SPDYA: variants seen among roughly 807,000 people sequenced by gnomAD.
SPDYA encodes speedy/RINGO cell cycle regulator family member A, also known as speedy protein A.
SPDYA carries 11 observed loss-of-function variants against 36.7 expected under a neutral mutation model. The ratio of observed to expected loss-of-function variants is 0.30; its 90% CI spans 0.19 to 0.50. The LOEUF (loss-of-function observed/expected upper bound fraction) is 0.50. Among genes scored for constraint, SPDYA ranks in the 20% least tolerant of loss-of-function variants. The pLI is 0.98. For synonymous variants in SPDYA, 115 were observed against 118.7 expected (o/e 0.97, Z 0.20); for missense variants, 287 against 370.9 (o/e 0.77, Z 1.86).
chr2:28,830,200 CTTTTTTTTTTT>C (rs573724918), intron 6 of SPDYA, among the ~76,000 whole-genome samples: 5,281 of 108,834 alleles, frequency 0.049, 385 homozygotes, highest in African/African-American at 0.17. Flanking sequence ...ATAGTAAGTA[CTTTTTTTTTTT>C]TTTTTTTTTT....
At chr2:28,825,970 C>T (rs888184763) in intron 5 of SPDYA, among the ~76,000 whole-genome samples, 1 of 151,912 alleles carries the variant, frequency 6.6e-6, no homozygotes, top group African/African-American at 2.4e-5. Flanking sequence ...GTCTCAAACT[C>T]CTGACTTCAA....
intron 4 of SPDYA, among the ~76,000 whole-genome samples, chr2:28,822,059 A>G (rs533719314): frequency 6.6e-6 from 1 of 152,302 alleles, no homozygotes; most frequent in South Asian, 2.1e-4. Flanking sequence ...ATTAGATAAA[A>G]GTGGGATTTT....
At chr2:28,848,809 C>G (rs1425361424) in intron 7 of SPDYA, among the ~76,000 whole-genome samples, 2 of 152,048 alleles carry the variant, frequency 1.3e-5, no homozygotes, top group African/African-American at 4.8e-5. Context: ...TTTGGGAGGT[C>G]AAGGCAGAAG....
chr2:28,822,755 G>A (rs1398243616), intron 5 of SPDYA, among the ~76,000 whole-genome samples: 2 of 151,992 alleles, frequency 1.3e-5, no homozygotes, highest in South Asian at 2.1e-4. Flanking sequence ...TTACAGCCAC[G>A]TGCCACCACG....
At chr2:28,819,849 A>AAAAAAT (rs1668105027) in intron 4 of SPDYA, among the ~76,000 whole-genome samples, 1 of 17,808 alleles carries the variant, frequency 5.6e-5, no homozygotes, top group Non-Finnish European at 8.7e-5. Flanking sequence ...AAAAAAAAAA[A>AAAAAAT]ATATATATAT....
intron 6 of SPDYA, among the ~76,000 whole-genome samples, chr2:28,838,376 T>C (rs1007277290): frequency 1.3e-5 from 2 of 151,924 alleles, no homozygotes; most frequent in South Asian, 2.1e-4. Flanking sequence ...AGATGGGGTT[T>C]CACCATGTTG....
At chr2:28,829,370 T>A in intron 6 of SPDYA, 51 bp downstream of exon 6, 1 of 1,545,658 alleles carries the variant, frequency 6.5e-7, no homozygotes, top group Non-Finnish European at 8.7e-7. Flanking sequence ...TCTGTTTATC[T>A]TATTATCCTT....
intron 7 of SPDYA, among the ~76,000 whole-genome samples, chr2:28,846,221 A>G (rs1198214434): frequency 2.0e-5 from 3 of 152,124 alleles, no homozygotes; most frequent in African/African-American, 7.2e-5. Flanking sequence ...CCTGGCCAAC[A>G]TGGTGAAACC....
In SPDYA at chr2:28,850,461, C is replaced by T. The variant is rs1669033366; in HGVS notation, c.*520C>T. 1 of 1,186,242 alleles carries T rather than the reference C, an allele frequency of 8.4e-7. No homozygotes were observed. The highest frequency in any genetic ancestry group is 1.6e-5 in the African/African-American group (1 of 63,854). 73.5% of individuals were successfully genotyped at this position (1,186,242 alleles called of 1,614,324 possible). On this transcript the variant is annotated 3_prime_UTR_variant, in exon 8 of 8. Transcript: ENST00000334056. The stretch of plus-strand genomic sequence containing the variant: ...TACATAAAATATTTTCTATTTTTTT[C>T]ACAAAACTGTTAAAATATGAGTTAC...
chr2:28,826,611 C>CTTTTTTTTTT (rs777338299), intron 5 of SPDYA, among the ~76,000 whole-genome samples: 14 of 75,348 alleles, frequency 1.9e-4, no homozygotes, highest in Non-Finnish European at 2.6e-4. Context: ...TTCTTTCTCT[C>CTTTTTTTTTT]TTTTTTTTTT....
intron 6 of SPDYA, among the ~76,000 whole-genome samples, chr2:28,831,262 G>T (rs1341328328): frequency 1.3e-5 from 2 of 152,154 alleles, no homozygotes; most frequent in Non-Finnish European, 2.9e-5. Context: ...AGAGGCTGTG[G>T]TGTGAGAATC....
intron 6 of SPDYA, among the ~76,000 whole-genome samples, chr2:28,836,420 C>G (rs1241797708): frequency 6.6e-6 from 1 of 152,186 alleles, no homozygotes; most frequent in African/African-American, 2.4e-5. Context: ...TGTCCATGGC[C>G]ATGAAGTTAA....
chr2:28,828,730 C>T (rs573574625), intron 5 of SPDYA, among the ~76,000 whole-genome samples: 27 of 152,330 alleles, frequency 1.8e-4, no homozygotes, highest in African/African-American at 6.0e-4. Flanking sequence ...CATTCACATA[C>T]GGCTGCAAAT....
At chr2:28,815,922 G>T (rs1485925445) in intron 2 of SPDYA, 75 bp from the exon 3 acceptor site, 2 of 908,364 alleles carry the variant, frequency 2.2e-6, no homozygotes, top group Non-Finnish European at 3.4e-6. Context: ...ACTGCATATG[G>T]TAGTATCATC....
At chr2:28,827,994 T>C (rs1397914999) in intron 5 of SPDYA, among the ~76,000 whole-genome samples, 1 of 152,024 alleles carries the variant, frequency 6.6e-6, no homozygotes, top group Non-Finnish European at 1.5e-5. Context: ...CTTTTTTCTT[T>C]TTTCTTTTTG....
At chr2:28,812,422 G>C (rs977444999) in intron 1 of SPDYA, among the ~76,000 whole-genome samples, 1 of 150,538 alleles carries the variant, frequency 6.6e-6, no homozygotes, top group African/African-American at 2.4e-5. Flanking sequence ...CAGAGAAGAG[G>C]TTATTTCAGA....
At chr2:28,830,452 C>T (rs1379389654) in intron 6 of SPDYA, among the ~76,000 whole-genome samples, 1 of 152,092 alleles carries the variant, frequency 6.6e-6, no homozygotes, top group Non-Finnish European at 1.5e-5. Context: ...ATCCGCCCGC[C>T]TCGGCCTCCC....
chr2:28,840,616 C>T, intron 7 of SPDYA, 147 bp downstream of exon 7: 1 of 1,407,228 alleles, frequency 7.1e-7, no homozygotes, highest in South Asian at 1.6e-5. Context: ...CTTTCAGTTA[C>T]TTTTTGTCTT....
rs1231653219 is a variant in SPDYA, at chr2:28,829,198, T to G, written c.431T>G (p.Ile144Ser). Reference protein sequence around the residue: ...EEDEEETKYEIFPWALGKNWR... With the variant: ...EEDEEETKYESFPWALGKNWR... ...GATGAAGAAGAAACCAAGTACGAAA[T>G]TTTTCCATGGGCTTTAGGGAAAAAC... The change falls in exon 6 of 8, where the codon ATT becomes AGT. Residue 144 changes from isoleucine (I) to serine (S), a missense_variant. Transcript: ENST00000334056. 4 of 1,613,784 alleles carry G rather than the reference T, an allele frequency of 2.5e-6. No individual in the cohort carries two copies. The African/African-American group carries it at 4.0e-5, about 16-fold the overall frequency.
Sources: gnomAD v4.1 joint callset for allele counts (sites outside exome capture counted in the v4.1 genomes callset) on GRCh38, gnomAD v4.1.1 for gene constraint, MANE v1.5 for transcripts, NCBI Gene and HGNC (gene_info 2026-07-23, HGNC 2026-07-21) for gene names.